The following IQCK variants were observed in gnomAD, a reference collection of about 807,000 sequenced individuals.
IQCK encodes IQ domain-containing protein K.
Under a neutral mutation model 28.1 loss-of-function variants are expected in IQCK, and 29 were observed. The ratio of observed to expected loss-of-function variants is 1.03; its 90% confidence interval spans 0.77 to 1.41. IQCK has a LOEUF of 1.41. IQCK is among the 40% of genes most tolerant of loss of function. The pLI is 0.00. For missense variants in IQCK, 359 were observed against 314.7 expected (o/e 1.14, Z -1.07); for synonymous variants, 113 against 115.1 (o/e 0.98, Z 0.12).
exon 5 of IQCK, chr16:19,763,853 A>G (rs1358639315): frequency 6.2e-7 from 1 of 1,612,402 alleles, no homozygotes; most frequent in South Asian, 1.1e-5. Flanking sequence ...TTCAGAGGAA[A>G]AGAACCAAAT....
At chr16:19,821,672 T>C (rs527560307) in intron 7 of IQCK, among the ~76,000 whole-genome samples, 4 of 151,668 alleles carry the variant, frequency 2.6e-5, no homozygotes, top group Non-Finnish European at 4.4e-5. Flanking sequence ...CCAGCCTGGG[T>C]GACAGAACGA....
intron 7 of IQCK, among the ~76,000 whole-genome samples, chr16:19,792,560 A>G (rs2055628692): frequency 2.7e-5 from 3 of 112,576 alleles, no homozygotes; most frequent in Admixed American, 2.3e-4. Flanking sequence ...CCTTATGTAT[A>G]CTGAACACCT....
chr16:19,758,983 GA>G (rs531472447), intron 4 of IQCK, among the ~76,000 whole-genome samples: 4 of 151,886 alleles, frequency 2.6e-5, no homozygotes, highest in Admixed American at 6.6e-5. Flanking sequence ...GAGGAAGAAA[GA>G]AAAAAAATTA....
chr16:19,766,006 A>T (rs1298296230), intron 6 of IQCK: 5 of 152,260 alleles, frequency 3.3e-5, no homozygotes, highest in Admixed American at 3.3e-4. Flanking sequence ...CAGGAAGCTC[A>T]TGTAAATATA....
intron 1 of IQCK, among the ~76,000 whole-genome samples, chr16:19,728,737 C>G (rs1463680160): frequency 1.6e-4 from 25 of 152,140 alleles, no homozygotes; most frequent in Non-Finnish European, 1.5e-5. Flanking sequence ...TCCTTTATGT[C>G]AATGATTTGT....
intron 4 of IQCK, among the ~76,000 whole-genome samples, chr16:19,738,016 T>A (rs1442960445): frequency 6.6e-6 from 1 of 152,234 alleles, no homozygotes; most frequent in Non-Finnish European, 1.5e-5. Flanking sequence ...CCTCATTTTA[T>A]GGCAAATTAA....
chr16:19,856,622 T>C (rs1381755456), exon 10 of IQCK: 3 of 1,205,952 alleles, frequency 2.5e-6, no homozygotes, highest in Non-Finnish European at 3.7e-6. Flanking sequence ...AATGATGCTC[T>C]CTCTCTTGTG....
chr16:19,765,286 C>T (rs1356455862), intron 6 of IQCK, among the ~76,000 whole-genome samples: 1 of 151,114 alleles, frequency 6.6e-6, no homozygotes, highest in Non-Finnish European at 1.5e-5. Flanking sequence ...GCCTGTAATC[C>T]CAATACTTTG....
At chr16:19,839,018 C>CAAAAA (rs71146274) in intron 9 of IQCK, among the ~76,000 whole-genome samples, 119 of 42,484 alleles carry the variant, frequency 2.8e-3, no homozygotes, top group Middle Eastern at 0.033. Context: ...GACTCCATAG[C>CAAAAA]AAAAAAAAAA....
At chr16:19,765,450 A>G (rs2055219944) in intron 6 of IQCK, among the ~76,000 whole-genome samples, 1 of 152,002 alleles carries the variant, frequency 6.6e-6, no homozygotes, top group African/African-American at 2.4e-5. Context: ...AGGCAGGAGT[A>G]TCGCTTGAAC....
chr16:19,785,699 G>A (rs986878490), intron 6 of IQCK, among the ~76,000 whole-genome samples: 9 of 152,146 alleles, frequency 5.9e-5, no homozygotes, highest in African/African-American at 2.2e-4. Context: ...CAGACTGATT[G>A]CTGGCTACCA....
intron 9 of IQCK, among the ~76,000 whole-genome samples, chr16:19,846,211 G>A (rs1387688876): frequency 6.6e-6 from 1 of 152,218 alleles, no homozygotes. Context: ...AGGCTTCCAA[G>A]ATGTTGAGAG....
intron 9 of IQCK, among the ~76,000 whole-genome samples, chr16:19,835,231 C>T (rs529623964): frequency 2.0e-5 from 3 of 151,214 alleles, no homozygotes; most frequent in Admixed American, 1.3e-4. Context: ...TGCAGTGAGC[C>T]GAGATCACAC....
chr16:19,718,352 C>A (rs755046001), exon 1 of IQCK: 4 of 1,610,226 alleles, frequency 2.5e-6, no homozygotes, highest in Non-Finnish European at 3.4e-6. Context: ...GCGCCTCAAG[C>A]CCAGCTGCTC....
intron 4 of IQCK, among the ~76,000 whole-genome samples, chr16:19,753,416 A>C (rs192961387): frequency 6.6e-6 from 1 of 152,154 alleles, no homozygotes; most frequent in East Asian, 1.9e-4. Context: ...ACAGAGCAAG[A>C]CCTTGTCTCT....
chr16:19,741,405 A>G (rs1423174207), intron 4 of IQCK, among the ~76,000 whole-genome samples: 1 of 152,228 alleles, frequency 6.6e-6, no homozygotes, highest in Non-Finnish European at 1.5e-5. Context: ...CATATCTAAT[A>G]TTTGACCATA....
intron 4 of IQCK, among the ~76,000 whole-genome samples, chr16:19,760,100 G>A (rs1251982322): frequency 6.6e-6 from 1 of 151,944 alleles, no homozygotes; most frequent in Non-Finnish European, 1.5e-5. Flanking sequence ...CTCCAGCCTG[G>A]GTGACAGAGA....
intron 7 of IQCK, among the ~76,000 whole-genome samples, chr16:19,808,077 G>A (rs1334006946): frequency 2.0e-5 from 3 of 152,136 alleles, no homozygotes; most frequent in East Asian, 1.9e-4. Context: ...GAATGAAGGC[G>A]CCTGGTTTCC....
rs1015155962 is a variant in IQCK at position 19,825,247 on chromosome 16, G to A, written c.691-1779G>A. ...TTCAAATTTGTAAAATAGGCCGGGA[G>A]CAGTGGCTTATACCTGTAATCCCAG... On this transcript the variant is annotated intron_variant, in intron 7 of 7. Coordinates refer to ENST00000564186, the Ensembl canonical transcript of IQCK. This position sits in a 1 kb window ranked among gnomAD's most constrained non-coding sequence, Gnocchi z 4.2. Among the ~76,000 whole-genome samples the A allele has an allele frequency of 1.3e-5, 2 of 152,146 alleles. No individual in the cohort carries two copies. Among genetic ancestry groups the A allele is most frequent in the Non-Finnish European group, 2.9e-5 (2 of 68,018 alleles).
Sources: allele counts gnomAD v4.1 joint callset (sites outside exome capture counted in the v4.1 genomes callset), GRCh38; gene constraint gnomAD v4.1.1; non-coding constraint Gnocchi (gnomAD v3.1); transcripts MANE v1.5; gene names NCBI Gene and HGNC (gene_info 2026-07-23, HGNC 2026-07-21).